MORF4L1: variants seen among roughly 807,000 people sequenced by gnomAD.
MORF4L1 encodes the protein mortality factor 4-like protein 1.
A neutral mutation model predicts 52.9 loss-of-function variants in MORF4L1; 4 were observed. That is an observed-to-expected ratio of 0.08 (90% CI 0.04 to 0.17). MORF4L1 has a LOEUF of 0.17. Ranked by LOEUF, MORF4L1 falls within the 10% of genes least tolerant of loss-of-function variation. The pLI is 1.00. For missense variants in MORF4L1, 214 were observed against 390.4 expected, an observed-to-expected ratio of 0.55 and a Z score of 3.81; for synonymous variants, 123 against 134.8, an observed-to-expected ratio of 0.91 and a Z score of 0.61.
At chr15:78,888,142 T>C (rs1456563075) in intron 5 of MORF4L1, among the ~76,000 whole-genome samples, 1 of 152,328 alleles carries the variant, frequency 6.6e-6, no homozygotes, top group African/African-American at 2.4e-5. Context: ...GAGAAAGTCA[T>C]GTGCATGCAT....
intron 2 of MORF4L1, among the ~76,000 whole-genome samples, chr15:78,878,789 A>G (rs117975075): frequency 5.2e-4 from 79 of 152,356 alleles, no homozygotes; most frequent in Non-Finnish European, 1.0e-3. Context: ...AGGAGAATGC[A>G]TTCCAAAGTA....
intron 1 of MORF4L1, chr15:78,876,407 T>TTTTTG (rs2056492169): frequency 2.7e-6 from 1 of 373,184 alleles, no homozygotes; most frequent in Non-Finnish European, 5.4e-6. Flanking sequence ...TGGAAATTCT[T>TTTTTG]TTTTGTTTTG....
chr15:78,874,067 A>G (rs1383650209), intron 1 of MORF4L1: 1 of 152,262 alleles, frequency 6.6e-6, no homozygotes, highest in Non-Finnish European at 1.5e-5. Context: ...ACTGACTCCC[A>G]GTGGAAGGCA....
At chr15:78,884,483 T>C (rs2056659997) in intron 3 of MORF4L1, among the ~76,000 whole-genome samples, 1 of 151,058 alleles carries the variant, frequency 6.6e-6, no homozygotes, top group Non-Finnish European at 1.5e-5. Context: ...GTACTAAAAA[T>C]ACAAAATTAG....
chr15:78,894,424 T>C, intron 10 of MORF4L1, 194 bp downstream of exon 10: 1 of 402,662 alleles, frequency 2.5e-6, no homozygotes, highest in Non-Finnish European at 3.9e-6. Flanking sequence ...TAATTTTTTT[T>C]TTTTGAGACA....
At chr15:78,895,665 A>T (rs2056875285) in intron 11 of MORF4L1, among the ~76,000 whole-genome samples, 1 of 152,198 alleles carries the variant, frequency 6.6e-6, no homozygotes, top group African/African-American at 2.4e-5. Context: ...ACTTGTAGAG[A>T]AACATTATTT....
At position 78,878,798 on chromosome 15, in the gene MORF4L1, T is replaced by TA. The variant is rs754996997; in HGVS notation, c.87+547dup. 2.6e-5 allele frequency among the ~76,000 whole-genome samples: 4 copies of TA among 151,974 alleles called. No individual in the cohort carries two copies. The East Asian group carries it at 5.8e-4, about 22-fold the overall frequency. On this transcript the variant is annotated intron_variant, in intron 2 of 11. Transcript: ENST00000426013. ...GTAAGCAGGAGAATGCATTCCAAAGTAAAAAAAAGTTTCAGTATTTTGTTT... is the reference window on the plus strand; with the variant it reads ...GTAAGCAGGAGAATGCATTCCAAAGTAAAAAAAAAGTTTCAGTATTTTGTTT...
chr15:78,885,351 G>C (rs1338943370), intron 3 of MORF4L1, among the ~76,000 whole-genome samples: 2 of 152,088 alleles, frequency 1.3e-5, no homozygotes, highest in South Asian at 2.1e-4. Flanking sequence ...CATTTTGGGG[G>C]AAAAAACACA....
At chr15:78,879,700 A>T (rs919631785) in intron 2 of MORF4L1, among the ~76,000 whole-genome samples, 1 of 151,422 alleles carries the variant, frequency 6.6e-6, no homozygotes, top group African/African-American at 2.4e-5. Flanking sequence ...GGCTTTGGGG[A>T]GCCAAAGCAG....
At chr15:78,880,388 T>C in intron 2 of MORF4L1, 124 bp from the exon 3 acceptor site, 1 of 671,324 alleles carries the variant, frequency 1.5e-6, no homozygotes, top group East Asian at 3.0e-5. Flanking sequence ...ACAAGCTTAG[T>C]GTTCTTAGTC....
Position 78,891,485 on chromosome 15 carries a change from A to G in MORF4L1, c.351A>G (p.Thr117=). Residue 117 remains threonine (T), a splice_region_variant and synonymous_variant, in exon 7 of 12, where the codon ACA becomes ACG. Coordinates refer to ENST00000426013, the MANE Select transcript of MORF4L1 (RefSeq NM_006791.4). ...EVKTKKNKQK[T]PGNGDGGSTS... is the part of the protein sequence containing the mutation. ...ACCCCTCCCCGCCAACATTTACAGC[A>G]CCTGGAAATGGAGATGGTGGCAGTA... 6.2e-7 allele frequency: 1 copy of G among 1,613,618 alleles called. No homozygotes were observed. The highest frequency in any genetic ancestry group is 8.5e-7 in the Non-Finnish European group (1 of 1,179,584).
At chr15:78,882,709 A>C (rs1032853680) in intron 3 of MORF4L1, among the ~76,000 whole-genome samples, 3 of 152,082 alleles carry the variant, frequency 2.0e-5, no homozygotes, top group Non-Finnish European at 4.4e-5. Context: ...GAAAGACCAT[A>C]TAGGATATCA....
Position 78,891,024 on chromosome 15 carries a change from T to C in MORF4L1, c.349+10T>C. On this transcript the variant is annotated intron_variant, in intron 6 of 11. Coordinates refer to ENST00000426013, the MANE Select transcript of MORF4L1 (RefSeq NM_006791.4). Reference sequence around the variant, plus strand: ...AAGAACAAACAGAAAAGTAAGAATATTAACTTTCTTAACGTTAATTTATGT... The same window carrying C: ...AAGAACAAACAGAAAAGTAAGAATACTAACTTTCTTAACGTTAATTTATGT... The C allele has an allele frequency of 1.4e-6, 2 of 1,474,394 alleles. No individual in the cohort carries two copies. Among genetic ancestry groups the C allele is most frequent in the African/African-American group, 2.8e-5 (2 of 71,176 alleles). 91.3% of individuals were successfully genotyped at this position (1,474,394 alleles called of 1,614,324 possible). A position where few individuals can be genotyped will look rare whatever the true frequency, so the allele number is the denominator to read the frequency against.
chr15:78,880,246 C>A (rs141241391), intron 2 of MORF4L1, among the ~76,000 whole-genome samples: 3 of 152,182 alleles, frequency 2.0e-5, no homozygotes, highest in African/African-American at 7.2e-5. Context: ...ACAAGCATAG[C>A]TTTCATTAGC....
At chr15:78,879,460 T>A (rs536488386) in intron 2 of MORF4L1, among the ~76,000 whole-genome samples, 6 of 143,612 alleles carry the variant, frequency 4.2e-5, no homozygotes, top group Non-Finnish European at 9.3e-5. Flanking sequence ...GACCTCGTGA[T>A]CCACCTGCCT....
chr15:78,876,582 A>C (rs186340008), intron 1 of MORF4L1: 156 of 456,000 alleles, frequency 3.4e-4, no homozygotes, highest in Non-Finnish European at 5.4e-4. Context: ...AAGGGGAGAA[A>C]AATGGTAGGC....
intron 1 of MORF4L1, chr15:78,873,358 C>T (rs1461846620): frequency 5.8e-6 from 4 of 693,336 alleles, no homozygotes; most frequent in Admixed American, 1.1e-4. Flanking sequence ...AGAGAGCAGC[C>T]TATTGTAGGG....
At position 78,893,625 on chromosome 15, in the gene MORF4L1, T is replaced by G. The variant is rs778665139; in HGVS notation, c.627T>G (p.Asn209Lys). 1.9e-6 allele frequency: 3 copies of G among 1,559,272 alleles called. No homozygotes were observed. Among genetic ancestry groups the G allele is most frequent in the Non-Finnish European group, 2.6e-6 (3 of 1,136,410 alleles). ...AGAAATCTCGTGGAAACACAGATAATAAGTAAGAATATACATTTTTCAGAT... is the reference window on the plus strand; with the variant it reads ...AGAAATCTCGTGGAAACACAGATAAGAAGTAAGAATATACATTTTTCAGAT... ...NYKKSRGNTD[N>K]KEYAVNEVVA... The change falls in exon 9 of 12, where the codon AAT (asparagine) becomes AAG (lysine). Residue 209 changes from asparagine (N) to lysine (K), a missense_variant and splice_region_variant. Transcript: ENST00000426013.
At chr15:78,876,273 A>T (rs532083952) in intron 1 of MORF4L1, among the ~76,000 whole-genome samples, 7 of 139,514 alleles carry the variant, frequency 5.0e-5, no homozygotes, top group South Asian at 2.2e-4. Flanking sequence ...TAAACTTGTT[A>T]AAAAAAAAAC....
Sources: allele counts gnomAD v4.1 joint callset (sites outside exome capture counted in the v4.1 genomes callset), GRCh38; gene constraint gnomAD v4.1.1; transcripts MANE v1.5; gene names NCBI Gene and HGNC (gene_info 2026-07-23, HGNC 2026-07-21).